The following NCBP3 variants were observed in gnomAD, a reference collection of about 807,000 sequenced individuals.
NCBP3 encodes nuclear cap-binding protein subunit 3.
In NCBP3, 20 loss-of-function variants were observed where a neutral mutation model predicts 75.7. That is an observed-to-expected ratio of 0.26 (90% CI 0.19 to 0.38). The LOEUF is 0.38. Ranked by LOEUF, NCBP3 falls within the 10% of genes least tolerant of loss-of-function variation. The probability of loss-of-function intolerance (pLI) is 1.00; values close to 1 mark genes in which losing one functional copy is unlikely to be tolerated. For synonymous variants in NCBP3, 293 were observed against 290.5 expected, an observed-to-expected ratio of 1.01 and a Z score of -0.09; for missense variants, 678 against 796.9, an observed-to-expected ratio of 0.85 and a Z score of 1.80.
Position 3,821,512 on chromosome 17 carries a change from T to G in NCBP3, c.897-160A>C, listed in dbSNP as rs1464342285. ...ATCTCAGCTCACTGCAACCTTTGCCTCTTGGGTTCAAGCAATTCTCCTGCC... is the reference window on the plus strand; with the variant it reads ...ATCTCAGCTCACTGCAACCTTTGCCGCTTGGGTTCAAGCAATTCTCCTGCC... On this transcript the variant is annotated intron_variant, in intron 8 of 12. Transcript: ENST00000389005. Among the ~76,000 whole-genome samples the G allele has an allele frequency of 2.6e-5, 4 of 152,118 alleles. No homozygotes were observed. The East Asian group carries it at 7.7e-4, about 29-fold the overall frequency.
chr17:3,829,005 C>T (rs1233465283), intron 4 of NCBP3, among the ~76,000 whole-genome samples: 1 of 151,914 alleles, frequency 6.6e-6, no homozygotes, highest in Non-Finnish European at 1.5e-5. Context: ...AGTAACCCAC[C>T]TCCTAGAGCC....
intron 8 of NCBP3, 67 bp downstream of exon 8, chr17:3,821,886 C>T: frequency 9.9e-7 from 1 of 1,010,196 alleles, no homozygotes; most frequent in South Asian, 1.4e-5. Context: ...GACATTTCAC[C>T]ACGGAATACC....
Position 3,830,020 on chromosome 17 carries a change from C to T in NCBP3, c.356-652G>A, listed in dbSNP as rs370143694. ...CAGATTTTACACCTTATTTTTCCTG[C>T]GTCTCTGGTCCTTGAATCGAGATAT... On this transcript the variant is annotated intron_variant, in intron 3 of 12. Coordinates refer to ENST00000389005, the MANE Select transcript of NCBP3 (RefSeq NM_001114118.3). Among the ~76,000 whole-genome samples, 78 of 152,254 alleles carry T rather than the reference C, an allele frequency of 5.1e-4. 2 individuals carry two copies. The South Asian group carries it at 0.016, about 31-fold the overall frequency.
intron 9 of NCBP3, 52 bp downstream of exon 9, chr17:3,821,197 A>T: frequency 7.7e-7 from 1 of 1,296,406 alleles, no homozygotes; most frequent in Non-Finnish European, 1.1e-6. Context: ...GAATAAAAAT[A>T]TGATTTCAGG....
At position 3,846,233 on chromosome 17, in the gene NCBP3, C is replaced by A; in HGVS notation, c.-10G>T. 1.4e-6 allele frequency: 2 copies of A among 1,419,816 alleles called. No individual in the cohort carries two copies. Among genetic ancestry groups the A allele is most frequent in the Non-Finnish European group, 9.1e-7 (1 of 1,095,004 alleles). The allele number at this position is 1,419,816 out of a possible 1,614,324, so 88.0% of individuals were successfully genotyped here. A position where few individuals can be genotyped will look rare whatever the true frequency, so the allele number is the denominator to read the frequency against. The stretch of plus-strand genomic sequence containing the variant: ...CCCGTACGGCCGCCATCGCTGCCTG[C>A]CGGCCGCACCACTGAGAGCCCGCCC... On this transcript the variant is annotated 5_prime_UTR_variant, in exon 1 of 13. Coordinates refer to ENST00000389005, the MANE Select transcript of NCBP3 (RefSeq NM_001114118.3). This position sits in a 1 kb window ranked among gnomAD's most constrained non-coding sequence, Gnocchi z 4.6.
chr17:3,812,426 A>T lies in NCBP3; in HGVS notation c.*618T>A. On this transcript the variant is annotated 3_prime_UTR_variant, in exon 13 of 13. Transcript: ENST00000389005. ...TCACATCAAGCTGACAGCACGTAAG[A>T]GGCCCATGCCATGAGCAATCCCCGA... 1 of 764,698 alleles carries T rather than the reference A, an allele frequency of 1.3e-6. No individual in the cohort carries two copies. The allele number at this position is 764,698 out of a possible 1,614,324, so 47.4% of individuals were successfully genotyped here. A position where few individuals can be genotyped will look rare whatever the true frequency, so the allele number is the denominator to read the frequency against.
rs2053526371 is a variant in NCBP3, at chr17:3,816,125, T to C, written c.1456A>G (p.Thr486Ala). The change falls in exon 11 of 13, where the codon ACT becomes GCT. Residue 486 changes from threonine (T) to alanine (A), a missense_variant. Around this residue, in one of 7 missense-constraint regions of NCBP3, gnomAD observed 365 missense variants for 392.7 expected, o/e 0.93. Coordinates refer to ENST00000389005, the MANE Select transcript of NCBP3 (RefSeq NM_001114118.3). ...HSRPRPPVSS[T>A]KSDIRQRLGK... ...AAGTGAGGAACAGTACCTGATTTAG[T>C]ACTGCTGACTGGTGGCCGTGGACGG... 1.9e-6 allele frequency: 3 copies of C among 1,613,822 alleles called. No homozygotes were observed. The highest frequency in any genetic ancestry group is 2.5e-6 in the Non-Finnish European group (3 of 1,179,858).
At chr17:3,836,966 T>C (rs2143704030) in intron 3 of NCBP3, among the ~76,000 whole-genome samples, 1 of 150,176 alleles carries the variant, frequency 6.7e-6, no homozygotes, top group African/African-American at 2.4e-5. Flanking sequence ...CTGGTCAACA[T>C]GGTGAAAACT....
chr17:3,818,550 T>A lies in NCBP3; in HGVS notation c.1023A>T (p.Glu341Asp). The A allele has an allele frequency of 6.2e-7, 1 of 1,608,138 alleles. No individual in the cohort carries two copies. Among genetic ancestry groups the A allele is most frequent in the South Asian group, 1.1e-5 (1 of 91,048 alleles). The change falls in exon 10 of 13, where the codon GAA (glutamate) becomes GAT (aspartate). Residue 341 changes from glutamate to aspartate, a missense_variant. Glu to Asp is a conservative substitution (Grantham distance 45). This residue lies in a region of NCBP3 where 365 missense variants were observed against 392.7 expected (regional missense o/e 0.93). Transcript: ENST00000389005. The surrounding 1 kb of genome is among the most constrained non-coding windows in gnomAD (Gnocchi z 4.7). The part of the protein sequence containing the change: ...RHSGLVNVPE[E>D]PIEEEEEEEE... Reference sequence around the variant, plus strand: ...CCTCCTCTTCCTCCTCTTCAATGGGTTCCTCGGGAACATTCACTAGCCCTG... The same window carrying A: ...CCTCCTCTTCCTCCTCTTCAATGGGATCCTCGGGAACATTCACTAGCCCTG...
chr17:3,812,860 G>T lies in NCBP3; in HGVS notation c.*184C>A. The T allele has an allele frequency of 7.0e-7, 1 of 1,426,676 alleles. No homozygotes were observed. The allele number at this position is 1,426,676 out of a possible 1,614,324, so 88.4% of individuals were successfully genotyped here. On this transcript the variant is annotated 3_prime_UTR_variant, in exon 13 of 13. Coordinates refer to ENST00000389005, the MANE Select transcript of NCBP3 (RefSeq NM_001114118.3). ...CCAGAACTACAACTCTGCAGCGAAA[G>T]ATAGAGATGCCCTTGAAAATGTGTC...
chr17:3,839,044 T>C (rs2054021648), intron 3 of NCBP3, among the ~76,000 whole-genome samples: 1 of 152,226 alleles, frequency 6.6e-6, no homozygotes, highest in African/African-American at 2.4e-5. Flanking sequence ...GAGGGAAGCC[T>C]TCTGCATTCA....
In NCBP3 at chr17:3,846,233, C is replaced by G; in HGVS notation, c.-10G>C. ...CCCGTACGGCCGCCATCGCTGCCTG[C>G]CGGCCGCACCACTGAGAGCCCGCCC... On this transcript the variant is annotated 5_prime_UTR_variant, in exon 1 of 13. Coordinates refer to ENST00000389005, the MANE Select transcript of NCBP3 (RefSeq NM_001114118.3). This position sits in a 1 kb window ranked among gnomAD's most constrained non-coding sequence, Gnocchi z 4.6. The G allele has an allele frequency of 7.0e-7, 1 of 1,419,816 alleles. No homozygotes were observed. The allele number at this position is 1,419,816 out of a possible 1,614,324, so 88.0% of individuals were successfully genotyped here.
In NCBP3 at chr17:3,828,938, G is replaced by C. The variant is rs1000268612; in HGVS notation, c.481+305C>G. Among the ~76,000 whole-genome samples, 8 of 152,206 alleles carry C rather than the reference G, an allele frequency of 5.3e-5. No individual in the cohort carries two copies. The South Asian group carries it at 6.2e-4, about 12-fold the overall frequency. On this transcript the variant is annotated intron_variant, in intron 4 of 12. Coordinates refer to ENST00000389005, the MANE Select transcript of NCBP3 (RefSeq NM_001114118.3). ...TCTACGCAGTTGGATCCTCTCCTTT[G>C]TTGGGAAAAGGTGAGTGTTAAAGAG...
At chr17:3,824,725 C>G in intron 7 of NCBP3, 1 of 297,614 alleles carries the variant, frequency 3.4e-6, no homozygotes. Flanking sequence ...ATAACTTTAG[C>G]CAGAAGTCAC....
intron 3 of NCBP3, among the ~76,000 whole-genome samples, chr17:3,836,898 G>T (rs1211876586): frequency 6.6e-6 from 1 of 150,608 alleles, no homozygotes; most frequent in African/African-American, 2.4e-5. Flanking sequence ...CACCTACAAC[G>T]CCAGCGCTTT....
chr17:3,840,462 A>G (rs1385275716), intron 2 of NCBP3, among the ~76,000 whole-genome samples: 2 of 152,242 alleles, frequency 1.3e-5, no homozygotes, highest in East Asian at 3.8e-4. Flanking sequence ...GAACTCAGTG[A>G]GTATCTGCTG....
rs1037545905 is a variant in NCBP3, at chr17:3,807,107, G to A, written c.*5937C>T. 1 of 152,194 alleles carries A rather than the reference G, an allele frequency of 6.6e-6. No homozygotes were observed. Among genetic ancestry groups the A allele is most frequent in the Non-Finnish European group, 1.5e-5 (1 of 68,028 alleles). The allele number at this position is 152,194 out of a possible 1,614,324, so 9.4% of individuals were successfully genotyped here. ...GAGAAGTTTGAGGAATGCTGCTTTA[G>A]GCAAAAGAGCCACTGGAGGAATGAG... On this transcript the variant is annotated 3_prime_UTR_variant, in exon 13 of 13. Transcript: ENST00000389005.
chr17:3,834,905 A>G (rs920334398), intron 3 of NCBP3, among the ~76,000 whole-genome samples: 1 of 152,170 alleles, frequency 6.6e-6, no homozygotes, highest in African/African-American at 2.4e-5. Context: ...AGAAATTCAG[A>G]GAATACATAG....
At position 3,821,666 on chromosome 17, in the gene NCBP3, GC is replaced by G. The variant is rs375719927; in HGVS notation, c.896+286del. Among the ~76,000 whole-genome samples, 6 of 152,202 alleles carry G rather than the reference GC, an allele frequency of 3.9e-5. No homozygotes were observed. The East Asian group carries it at 1.2e-3, about 29-fold the overall frequency. The stretch of plus-strand genomic sequence containing the variant: ...TCGAACTCCTGACCTCAGGTGATCT[GC>G]TGGCCTCGGCCTCCCAAAGTGCTGG... On this transcript the variant is annotated intron_variant, in intron 8 of 12. Transcript: ENST00000389005.
Sources: allele counts gnomAD v4.1 joint callset (sites outside exome capture counted in the v4.1 genomes callset), GRCh38; gene constraint gnomAD v4.1.1; regional missense constraint gnomAD v4.1.1; non-coding constraint Gnocchi (gnomAD v3.1); transcripts MANE v1.5; gene names NCBI Gene and HGNC (gene_info 2026-07-23, HGNC 2026-07-21).